Variants in NELL1 observed in about 807,000 individuals in gnomAD.
NELL1 encodes the protein neural EGFL like 1.
A neutral mutation model predicts 107.4 loss-of-function variants in NELL1; 76 were observed. That is an observed-to-expected ratio of 0.71 (90% CI 0.59 to 0.86). The LOEUF (loss-of-function observed/expected upper bound fraction) is 0.86. NELL1 is among the 40% of genes least tolerant of loss of function. NELL1 has a pLI of 0.00. For missense variants in NELL1, 1,024 were observed against 1,005.5 expected (o/e 1.02, Z -0.25); for synonymous variants, 353 against 341.2 (o/e 1.03, Z -0.38).
chr11:20,717,568 C>T (rs1174389286), intron 2 of NELL1, among the ~76,000 whole-genome samples: 1 of 152,110 alleles, frequency 6.6e-6, no homozygotes, highest in Non-Finnish European at 1.5e-5. Context: ...GATTAAACAG[C>T]AAGTCAGAGT....
At chr11:21,314,001 C>T (rs796686930) in intron 14 of NELL1, among the ~76,000 whole-genome samples, 1 of 109,000 alleles carries the variant, frequency 9.2e-6, no homozygotes, top group Admixed American at 8.5e-5. Flanking sequence ...TGCCCCCCCC[C>T]CCCCCCCCGC....
chr11:20,866,699 C>G (rs1849101370), intron 4 of NELL1, among the ~76,000 whole-genome samples: 1 of 152,070 alleles, frequency 6.6e-6, no homozygotes, highest in Non-Finnish European at 1.5e-5. Context: ...GAGGTGGCAC[C>G]CCCTCTAGCA....
intron 13 of NELL1, among the ~76,000 whole-genome samples, chr11:21,204,263 A>T (rs1030916896): frequency 6.6e-6 from 1 of 151,958 alleles, no homozygotes; most frequent in Non-Finnish European, 1.5e-5. Context: ...ATGTAGATTT[A>T]GTTTTTTCAC....
chr11:21,559,366 A>T (rs1193751257), intron 16 of NELL1, among the ~76,000 whole-genome samples: 10 of 152,076 alleles, frequency 6.6e-5, no homozygotes. Context: ...TTGCAAGGTA[A>T]TGGATTGCCT....
chr11:20,968,877 A>T (rs1564991711), intron 12 of NELL1, among the ~76,000 whole-genome samples: 1 of 152,062 alleles, frequency 6.6e-6, no homozygotes, highest in African/African-American at 2.4e-5. Context: ...AGGGCTGTTC[A>T]CATTTCACTG....
chr11:20,768,328 A>G (rs970669999), intron 2 of NELL1, among the ~76,000 whole-genome samples: 5 of 152,232 alleles, frequency 3.3e-5, no homozygotes, highest in Non-Finnish European at 5.9e-5. Context: ...AGCCAGCCAA[A>G]AGGCCCCTTG....
chr11:21,309,260 G>GTATA (rs35920508), intron 14 of NELL1, among the ~76,000 whole-genome samples: 31 of 99,658 alleles, frequency 3.1e-4, no homozygotes, highest in South Asian at 8.2e-4. Flanking sequence ...ATATATATAT[G>GTATA]TATATATATA....
Position 20,892,167 on chromosome 11 carries a change from C to T in NELL1, c.603+6627C>T, listed in dbSNP as rs141068703. ...GAACTGAAATCATAACAAACCGTCTCTCAGATCACGGTGCGATCAAATTAG... is the reference window on the plus strand; with the variant it reads ...GAACTGAAATCATAACAAACCGTCTTTCAGATCACGGTGCGATCAAATTAG... On this transcript the variant is annotated intron_variant, in intron 5 of 19. Coordinates refer to ENST00000357134, the MANE Select transcript of NELL1 (RefSeq NM_006157.5). Among the ~76,000 whole-genome samples the T allele has an allele frequency of 9.5e-3, 1,444 of 152,346 alleles. 47 individuals carry two copies. The highest frequency in any genetic ancestry group is 0.053 in the Admixed American group (808 of 15,306).
intron 13 of NELL1, among the ~76,000 whole-genome samples, chr11:21,195,145 A>G (rs964902184): frequency 3.3e-5 from 5 of 152,240 alleles, no homozygotes; most frequent in African/African-American, 1.2e-4. Context: ...GGAAAGGTCC[A>G]GCAAGAATAA....
intron 13 of NELL1, among the ~76,000 whole-genome samples, chr11:21,142,445 A>G (rs1855889940): frequency 6.6e-6 from 1 of 152,244 alleles, no homozygotes; most frequent in African/African-American, 2.4e-5. Flanking sequence ...TCTTCTAAAT[A>G]GATAAATTGT....
intron 12 of NELL1, among the ~76,000 whole-genome samples, chr11:21,026,028 C>T (rs1852806496): frequency 6.6e-6 from 1 of 152,168 alleles, no homozygotes; most frequent in African/African-American, 2.4e-5. Context: ...CACATCTTCG[C>T]ATTTTTATTG....
chr11:21,451,353 A>G (rs1382379210), intron 15 of NELL1, among the ~76,000 whole-genome samples: 1 of 152,146 alleles, frequency 6.6e-6, no homozygotes, highest in East Asian at 1.9e-4. Flanking sequence ...TTGTTTGCAG[A>G]TTATGGACCT....
At chr11:20,909,156 G>A (rs1347251155) in intron 5 of NELL1, among the ~76,000 whole-genome samples, 2 of 152,146 alleles carry the variant, frequency 1.3e-5, no homozygotes, top group African/African-American at 2.4e-5. Flanking sequence ...GTAAATTAAT[G>A]GTTAACAGGG....
At chr11:21,204,840 T>A (rs560728385) in intron 13 of NELL1, among the ~76,000 whole-genome samples, 1 of 152,148 alleles carries the variant, frequency 6.6e-6, no homozygotes, top group African/African-American at 2.4e-5. Flanking sequence ...ATCCTTTCTG[T>A]TTGTTAATTT....
At position 20,911,870 on chromosome 11, in the gene NELL1, A is replaced by G. The variant is rs147991150; in HGVS notation, c.604-6312A>G. ...AGAAGAAATGGCTGGGGTAGGGGAA[A>G]TATGTCAGTGTCTCATTACAGAAAT... On this transcript the variant is annotated intron_variant, in intron 5 of 19. Coordinates refer to ENST00000357134, the MANE Select transcript of NELL1 (RefSeq NM_006157.5). 5.1e-3 allele frequency among the ~76,000 whole-genome samples: 770 copies of G among 152,262 alleles called. 2 individuals carry two copies. The highest frequency in any genetic ancestry group is 0.018 in the African/African-American group (735 of 41,552).
At chr11:21,035,401 C>A (rs1853063946) in intron 12 of NELL1, among the ~76,000 whole-genome samples, 1 of 151,506 alleles carries the variant, frequency 6.6e-6, no homozygotes, top group Non-Finnish European at 1.5e-5. Context: ...AATACCAAAA[C>A]CTGGTAGAGA....
chr11:21,105,851 CT>C (rs1404655754), intron 12 of NELL1, among the ~76,000 whole-genome samples: 2,403 of 7,730 alleles, frequency 0.31, 451 homozygotes, highest in African/African-American at 0.52. Context: ...CCTCCCTTCC[CT>C]CTCTCCCCTC....
intron 13 of NELL1, among the ~76,000 whole-genome samples, chr11:21,210,542 A>G (rs1857477134): frequency 6.6e-6 from 1 of 152,080 alleles, no homozygotes; most frequent in Non-Finnish European, 1.5e-5. Flanking sequence ...GGGGAAAAAG[A>G]CTGTTTAAAT....
intron 14 of NELL1, among the ~76,000 whole-genome samples, chr11:21,279,511 T>C (rs1230568911): frequency 6.6e-6 from 1 of 152,174 alleles, no homozygotes; most frequent in Non-Finnish European, 1.5e-5. Context: ...ATGCTCAACA[T>C]TTTATGTTAT....
Sources: allele counts gnomAD v4.1 joint callset (sites outside exome capture counted in the v4.1 genomes callset), GRCh38; gene constraint gnomAD v4.1.1; transcripts MANE v1.5; gene names NCBI Gene and HGNC (gene_info 2026-07-23, HGNC 2026-07-21).